ZBTB6: variants seen among roughly 807,000 people sequenced by gnomAD.
The protein encoded by ZBTB6 is zinc finger and BTB domain containing 6.
In ZBTB6, 11 loss-of-function variants were observed where a neutral mutation model predicts 30.6. The observed-to-expected ratio is 0.36, with a 90% CI of 0.23 to 0.60. The LOEUF (loss-of-function observed/expected upper bound fraction) is 0.60, where lower values mean the gene tolerates loss of function less well. ZBTB6 is among the 20% of genes least tolerant of loss of function. The pLI, the probability that ZBTB6 is intolerant of heterozygous loss-of-function variation, is 0.75. For synonymous variants in ZBTB6, 174 were observed against 172.0 expected (o/e 1.01, Z -0.09); for missense variants, 380 against 489.4 (o/e 0.78, Z 2.11).
chr9:122,911,404 T>C lies in ZBTB6; in HGVS notation c.669A>G (p.Glu223=), dbSNP rs1240033949. 2.5e-6 allele frequency: 4 copies of C among 1,614,040 alleles called. No homozygotes were observed. Among genetic ancestry groups the C allele is most frequent in the Non-Finnish European group, 2.5e-6 (3 of 1,180,052 alleles). ...KDNEICILHV[E]SISTAGVENG... ...TTTCGACACCAGCTGTACTGATGGA[T>C]TCTACATGAAGGATACAAATTTCAT... Residue 223 remains glutamate, a synonymous_variant, in exon 2 of 2, where the codon GAA becomes GAG. Coordinates refer to ENST00000373659, the MANE Select transcript of ZBTB6 (RefSeq NM_006626.6). This position sits in a 1 kb window ranked among gnomAD's most constrained non-coding sequence, Gnocchi z 4.5.
chr9:122,912,592 G>A (rs1359133752), intron 1 of ZBTB6, among the ~76,000 whole-genome samples: 8 of 152,134 alleles, frequency 5.3e-5, no homozygotes, highest in East Asian at 1.9e-4. Context: ...CAGATTACCC[G>A]CCTGAGTGCC....
Position 122,911,612 on chromosome 9 carries a change from T to A in ZBTB6, c.461A>T (p.Asp154Val), listed in dbSNP as rs1271022421. The change falls in exon 2 of 2, where the codon GAT (aspartate) becomes GTT (valine). Residue 154 changes from aspartate to valine, a missense_variant. Transcript: ENST00000373659. The surrounding 1 kb of genome is among the most constrained non-coding windows in gnomAD (Gnocchi z 4.5). The stretch of plus-strand genomic sequence containing the variant: ...CTCACAGTCTTTATCAGAATTTTCA[T>A]CTTCATTCTTAACATCAGGATCAGA... ...QSSDPDVKNE[D>V]ENSDKDCEII... The A allele has an allele frequency of 6.2e-7, 1 of 1,613,430 alleles. No homozygotes were observed. Among genetic ancestry groups the A allele is most frequent in the Admixed American group, 1.7e-5 (1 of 60,014 alleles).
chr9:122,911,654 G>A lies in ZBTB6; in HGVS notation c.419C>T (p.Thr140Ile). The change falls in exon 2 of 2, where the codon ACT becomes ATT. Residue 140 changes from threonine to isoleucine, a missense_variant. Coordinates refer to ENST00000373659, the MANE Select transcript of ZBTB6 (RefSeq NM_006626.6). The surrounding 1 kb of genome is among the most constrained non-coding windows in gnomAD (Gnocchi z 4.5). The stretch of plus-strand genomic sequence containing the variant: ...AGGATCAGAAGACTGACACAGGTCA[G>A]TGTGTTGGTTGTTGTTTTTCATAGA... Reference protein sequence around the residue: ...DLSMKNNNQHTDLCQSSDPDV... With the variant: ...DLSMKNNNQHIDLCQSSDPDV... 1.2e-6 allele frequency: 2 copies of A among 1,613,490 alleles called. No individual in the cohort carries two copies.
chr9:122,911,953 A>G lies in ZBTB6; in HGVS notation c.120T>C (p.Asn40=). 1.2e-6 allele frequency: 2 copies of G among 1,614,248 alleles called. No individual in the cohort carries two copies. Among genetic ancestry groups the G allele is most frequent in the East Asian group, 2.2e-5 (1 of 44,886 alleles). ...CCTTGTGCCCCTGGAACTCAGTGTC[A>G]TTAATGTAAATTGATACATCACAAA... ...NLFCDVSIYI[N]DTEFQGHKVI... The change falls in exon 2 of 2, where the codon AAT becomes AAC. Residue 40 remains asparagine (N), a synonymous_variant. Transcript: ENST00000373659. The surrounding 1 kb of genome is among the most constrained non-coding windows in gnomAD (Gnocchi z 4.5).
chr9:122,909,758 C>T lies in ZBTB6; in HGVS notation c.*1040G>A, dbSNP rs931925206. 6 of 151,968 alleles carry T rather than the reference C, an allele frequency of 3.9e-5. No individual in the cohort carries two copies. Among genetic ancestry groups the T allele is most frequent in the Admixed American group, 6.6e-5 (1 of 15,260 alleles). 9.4% of individuals were successfully genotyped at this position (151,968 alleles called of 1,614,324 possible). A position where few individuals can be genotyped will look rare whatever the true frequency, so the allele number is the denominator to read the frequency against. On this transcript the variant is annotated 3_prime_UTR_variant, in exon 2 of 2. Transcript: ENST00000373659. ...GGTGAAAAAGCATTTCAAGAGGGAA[C>T]GTACTATAAGATTCTGTTTATATGA...
In ZBTB6 at chr9:122,913,291, T is replaced by G; in HGVS notation, c.-50A>C. On this transcript the variant is annotated 5_prime_UTR_variant, in exon 1 of 2. Transcript: ENST00000373659. ...GAGTCAAGGATTCCGCGGCAGCGTC[T>G]GCCCAAGCCGGAAGATGGACTTAGC... 1 of 985,942 alleles carries G rather than the reference T, an allele frequency of 1.0e-6. No individual in the cohort carries two copies. Among genetic ancestry groups the G allele is most frequent in the South Asian group, 4.7e-5 (1 of 21,294 alleles). The allele number at this position is 985,942 out of a possible 1,614,324, so 61.1% of individuals were successfully genotyped here.
In ZBTB6 at chr9:122,911,818, T is replaced by A; in HGVS notation, c.255A>T (p.Leu85Phe). 1.2e-6 allele frequency: 2 copies of A among 1,614,214 alleles called. No homozygotes were observed. The highest frequency in any genetic ancestry group is 1.7e-6 in the Non-Finnish European group (2 of 1,180,034). ...LQSAEVGRKLLLSCYTGALEV... is the reference protein window; with the variant it reads ...LQSAEVGRKLFLSCYTGALEV... ...CAAGTGCTCCAGTATAGCAAGACAG[T>A]AACAATTTTCTGCCAACTTCTGCAC... Residue 85 changes from leucine (L) to phenylalanine (F), a missense_variant, in exon 2 of 2, where the codon TTA becomes TTT. Transcript: ENST00000373659. This position sits in a 1 kb window ranked among gnomAD's most constrained non-coding sequence, Gnocchi z 4.5.
rs1361341054 is a variant in ZBTB6, at chr9:122,910,845, C to T, written c.1228G>A (p.Gly410Ser). ...HLTSVHGRSS[G>S]EKLSRPDLKR... ...AGATCAGGCCTAGATAGTTTTTCAC[C>T]ACTGCTTCTGCCATGGACAGAGGTT... Residue 410 changes from glycine to serine, a missense_variant, in exon 2 of 2, where the codon GGT (glycine) becomes AGT (serine). Physicochemically the swap from Gly to Ser is moderately conservative, Grantham distance 56. Coordinates refer to ENST00000373659, the MANE Select transcript of ZBTB6 (RefSeq NM_006626.6). 2 of 1,613,896 alleles carry T rather than the reference C, an allele frequency of 1.2e-6. No homozygotes were observed. The highest frequency in any genetic ancestry group is 2.7e-5 in the African/African-American group (2 of 74,896).
chr9:122,910,987 T>A lies in ZBTB6; in HGVS notation c.1086A>T (p.Thr362=). ...CCTGAAGTGTGCTTTTGGCAGTAAA[T>A]GTCTTCAAGCACACAGTACACTGAA... is the stretch of plus-strand genomic sequence containing the variant. The part of the protein sequence containing the change: ...RPFQCTVCLK[T]FTAKSTLQDH... The change falls in exon 2 of 2, where the codon ACA becomes ACT. Residue 362 remains threonine (T), a synonymous_variant. Transcript: ENST00000373659. 6.2e-7 allele frequency: 1 copy of A among 1,614,200 alleles called. No individual in the cohort carries two copies. The highest frequency in any genetic ancestry group is 1.1e-5 in the South Asian group (1 of 91,084).
At position 122,911,893 on chromosome 9, in the gene ZBTB6, A is replaced by C. The variant is rs1307032779; in HGVS notation, c.180T>G (p.Asp60Glu). The change falls in exon 2 of 2, where the codon GAT becomes GAG. Residue 60 changes from aspartate (D) to glutamate (E), a missense_variant. Physicochemically the swap from Asp to Glu is conservative, Grantham distance 45. Coordinates refer to ENST00000373659, the MANE Select transcript of ZBTB6 (RefSeq NM_006626.6). This position sits in a 1 kb window ranked among gnomAD's most constrained non-coding sequence, Gnocchi z 4.5. ...GTTTTGACTGTGTGAGTAAAAACTG[A>C]TCTCTCATAAAAGTGGAGCAAGCAG... ...ILAACSTFMRDQFLLTQSKHV... is the reference protein window; with the variant it reads ...ILAACSTFMREQFLLTQSKHV... The C allele has an allele frequency of 1.2e-6, 2 of 1,614,100 alleles. No individual in the cohort carries two copies. Among genetic ancestry groups the C allele is most frequent in the Non-Finnish European group, 1.7e-6 (2 of 1,180,034 alleles).
Position 122,910,973 on chromosome 9 carries a change from C to G in ZBTB6, c.1100G>C (p.Ser367Thr), listed in dbSNP as rs1832947033. 4 of 1,614,142 alleles carry G rather than the reference C, an allele frequency of 2.5e-6. No homozygotes were observed. The East Asian group carries it at 8.9e-5, about 36-fold the overall frequency. ...TATGTTCAAGTGGTCCTGAAGTGTG[C>G]TTTTGGCAGTAAATGTCTTCAAGCA... ...TVCLKTFTAKSTLQDHLNIHS... is the reference protein window; with the variant it reads ...TVCLKTFTAKTTLQDHLNIHS... Residue 367 changes from serine to threonine, a missense_variant, in exon 2 of 2, where the codon AGC becomes ACC. By Grantham distance (58) the Ser-to-Thr change is moderately conservative. Coordinates refer to ENST00000373659, the MANE Select transcript of ZBTB6 (RefSeq NM_006626.6).
rs542869426 is a variant in ZBTB6, at chr9:122,909,935, T to C, written c.*863A>G. The C allele has an allele frequency of 1.9e-4, 29 of 152,316 alleles. No homozygotes were observed. Among genetic ancestry groups the C allele is most frequent in the African/African-American group, 7.0e-4 (29 of 41,578 alleles). The allele number at this position is 152,316 out of a possible 1,614,324, so 9.4% of individuals were successfully genotyped here. On this transcript the variant is annotated 3_prime_UTR_variant, in exon 2 of 2. Coordinates refer to ENST00000373659, the MANE Select transcript of ZBTB6 (RefSeq NM_006626.6). Reference sequence around the variant, plus strand: ...CAGTAGTGGTGCACAAATCTTTCTGTTAAAATTCACAGAACTATACACCAA... The same window carrying C: ...CAGTAGTGGTGCACAAATCTTTCTGCTAAAATTCACAGAACTATACACCAA...
At chr9:122,913,008 C>T (rs531514773) in intron 1 of ZBTB6, among the ~76,000 whole-genome samples, 1 of 152,244 alleles carries the variant, frequency 6.6e-6, no homozygotes, top group Non-Finnish European at 1.5e-5. Flanking sequence ...TGTGTTCCTG[C>T]ACCGAGCTCA....
Position 122,911,468 on chromosome 9 carries a change from G to A in ZBTB6, c.605C>T (p.Ser202Leu). 1 of 1,614,128 alleles carries A rather than the reference G, an allele frequency of 6.2e-7. No homozygotes were observed. Among genetic ancestry groups the A allele is most frequent in the Non-Finnish European group, 8.5e-7 (1 of 1,180,034 alleles). Residue 202 changes from serine to leucine, a missense_variant, in exon 2 of 2, where the codon TCA (serine) becomes TTA (leucine). Coordinates refer to ENST00000373659, the MANE Select transcript of ZBTB6 (RefSeq NM_006626.6). This position sits in a 1 kb window ranked among gnomAD's most constrained non-coding sequence, Gnocchi z 4.5. The stretch of plus-strand genomic sequence containing the variant: ...TATGTCTACTGTAGACAGCTCTGGT[G>A]ACTTCATTTCCTTTCTCTCTGATGT... ...SLTSERKEMKSPELSTVDIGF... is the reference protein window; with the variant it reads ...SLTSERKEMKLPELSTVDIGF...
rs1832948788 is a variant in ZBTB6 at position 122,911,124 on chromosome 9, G to T, written c.949C>A (p.Leu317Met). 6.2e-7 allele frequency: 1 copy of T among 1,614,206 alleles called. No homozygotes were observed. The change falls in exon 2 of 2, where the codon CTG becomes ATG. Residue 317 changes from leucine to methionine, a missense_variant. Transcript: ENST00000373659. The surrounding 1 kb of genome is among the most constrained non-coding windows in gnomAD (Gnocchi z 4.5). ...AGTTTATGCATTTTAAGGTGGCGCAGATAGTTTTCAACATGAAGAAAGCCT... is the reference window on the plus strand; with the variant it reads ...AGTTTATGCATTTTAAGGTGGCGCATATAGTTTTCAACATGAAGAAAGCCT... Reference protein sequence around the residue: ...PRGFLHVENYLRHLKMHKLFL... With the variant: ...PRGFLHVENYMRHLKMHKLFL...
chr9:122,910,446 G>T lies in ZBTB6; in HGVS notation c.*352C>A, dbSNP rs553508585. ...TCCTAATTCATTAAAGTTTTTATAT[G>T]ATTGGATTTTATACTTAAATCAATT... On this transcript the variant is annotated 3_prime_UTR_variant, in exon 2 of 2. Coordinates refer to ENST00000373659, the MANE Select transcript of ZBTB6 (RefSeq NM_006626.6). 5.5e-3 allele frequency: 936 copies of T among 171,740 alleles called. 5 individuals carry two copies. The highest frequency in any genetic ancestry group is 8.3e-3 in the Admixed American group (144 of 17,268). The allele number at this position is 171,740 out of a possible 1,614,324, so 10.6% of individuals were successfully genotyped here. A position where few individuals can be genotyped will look rare whatever the true frequency, so the allele number is the denominator to read the frequency against.
At position 122,910,844 on chromosome 9, in the gene ZBTB6, C is replaced by T. The variant is rs1332808358; in HGVS notation, c.1229G>A (p.Gly410Asp). Reference sequence around the variant, plus strand: ...GAGATCAGGCCTAGATAGTTTTTCACCACTGCTTCTGCCATGGACAGAGGT... The same window carrying T: ...GAGATCAGGCCTAGATAGTTTTTCATCACTGCTTCTGCCATGGACAGAGGT... ...HLTSVHGRSS[G>D]EKLSRPDLKR... Residue 410 changes from glycine (G) to aspartate (D), a missense_variant, in exon 2 of 2, where the codon GGT (glycine) becomes GAT (aspartate). Physicochemically the swap from Gly to Asp is moderately conservative, Grantham distance 94 (BLOSUM62 -1). Transcript: ENST00000373659. The T allele has an allele frequency of 2.5e-6, 4 of 1,614,082 alleles. No homozygotes were observed. The highest frequency in any genetic ancestry group is 3.4e-6 in the Non-Finnish European group (4 of 1,179,948).
chr9:122,910,911 C>G lies in ZBTB6; in HGVS notation c.1162G>C (p.Asp388His), dbSNP rs145756001. Reference protein sequence around the residue: ...GDRPYKCHCCDMDFKHKSALK... With the variant: ...GDRPYKCHCCHMDFKHKSALK... ...GCAGACTTGTGCTTGAAATCCATATCACAACAGTGGCATTTGTATGGCCGA... is the reference window on the plus strand; with the variant it reads ...GCAGACTTGTGCTTGAAATCCATATGACAACAGTGGCATTTGTATGGCCGA... Residue 388 changes from aspartate to histidine, a missense_variant, in exon 2 of 2, where the codon GAT becomes CAT. By Grantham distance (81) the Asp-to-His change is moderately conservative (BLOSUM62 -1). Transcript: ENST00000373659. 68 of 1,614,150 alleles carry G rather than the reference C, an allele frequency of 4.2e-5. No individual in the cohort carries two copies. The African/African-American group carries it at 8.9e-4, about 21-fold the overall frequency.
In ZBTB6 at chr9:122,911,670, T is replaced by G; in HGVS notation, c.403A>C (p.Asn135His). ...KYLEIDLSMK[N>H]NNQHTDLCQS... ...CACAGGTCAGTGTGTTGGTTGTTGT[T>G]TTTCATAGAAAGATCAATTTCCAGA... is the stretch of plus-strand genomic sequence containing the variant. The change falls in exon 2 of 2, where the codon AAC becomes CAC. Residue 135 changes from asparagine to histidine, a missense_variant. Coordinates refer to ENST00000373659, the MANE Select transcript of ZBTB6 (RefSeq NM_006626.6). The surrounding 1 kb of genome is among the most constrained non-coding windows in gnomAD (Gnocchi z 4.5). The G allele has an allele frequency of 6.2e-7, 1 of 1,613,730 alleles. No homozygotes were observed. Among genetic ancestry groups the G allele is most frequent in the Admixed American group, 1.7e-5 (1 of 60,032 alleles).
Sources: allele counts gnomAD v4.1 joint callset (sites outside exome capture counted in the v4.1 genomes callset), GRCh38; gene constraint gnomAD v4.1.1; non-coding constraint Gnocchi (gnomAD v3.1); transcripts MANE v1.5; gene names NCBI Gene and HGNC (gene_info 2026-07-23, HGNC 2026-07-21).